The following RP1 variants were observed in gnomAD, a reference collection of about 807,000 sequenced individuals.
RP1 encodes RP1 axonemal microtubule associated.
RP1 carries 16 observed loss-of-function variants against 14.8 expected under a neutral mutation model. The observed-to-expected ratio is 1.08, with a 90% CI of 0.73 to 1.65. The LOEUF is 1.65. Ranked by LOEUF, RP1 falls within the 40% of genes most tolerant of loss-of-function variation. RP1 has a pLI of 0.00. For synonymous variants in RP1, 876 were observed against 883.6 expected, an observed-to-expected ratio of 0.99 and a Z score of 0.15; for missense variants, 2,631 against 2,535.0, an observed-to-expected ratio of 1.04 and a Z score of -0.81.
chr8:54,624,840 G>A lies in RP1; in HGVS notation c.958G>A (p.Glu320Lys), dbSNP rs1400757061. 9 of 1,613,376 alleles carry A rather than the reference G, an allele frequency of 5.6e-6. No homozygotes were observed. The highest frequency in any genetic ancestry group is 2.2e-5 in the East Asian group (1 of 44,886). ...AATATATCCTTCTGAAGATGATATT[G>A]AGAAATCAATTATTTTTAATCAAGA... is the stretch of plus-strand genomic sequence containing the variant. Reference protein sequence around the residue: ...LPIYPSEDDIEKSIIFNQDGT... With the variant: ...LPIYPSEDDIKKSIIFNQDGT... Residue 320 changes from glutamate (E) to lysine (K), a missense_variant, in exon 4 of 4, where the codon GAG (glutamate) becomes AAG (lysine). Coordinates refer to ENST00000220676, the MANE Select transcript of RP1 (RefSeq NM_006269.2).
At chr8:54,695,902 A>G (rs1451137552) in intron 12 of RP1, among the ~76,000 whole-genome samples, 1 of 152,178 alleles carries the variant, frequency 6.6e-6, no homozygotes, top group Admixed American at 6.6e-5. Context: ...GATGCATTTT[A>G]TTATGTAGAC....
intron 1 of RP1, among the ~76,000 whole-genome samples, chr8:54,604,184 T>C (rs1413301815): frequency 5.3e-5 from 8 of 152,212 alleles, no homozygotes; most frequent in African/African-American, 1.4e-4. Flanking sequence ...TTGTCATAGA[T>C]AGCTCTTATT....
intron 24 of RP1, among the ~76,000 whole-genome samples, chr8:54,790,039 C>G (rs923607901): frequency 2.6e-5 from 4 of 152,170 alleles, no homozygotes; most frequent in Non-Finnish European, 5.9e-5. Flanking sequence ...CCTGCCTAAT[C>G]ATAAGTCCAA....
At chr8:54,709,055 C>G (rs914030581) in intron 15 of RP1, among the ~76,000 whole-genome samples, 1 of 152,176 alleles carries the variant, frequency 6.6e-6, no homozygotes, top group African/African-American at 2.4e-5. Context: ...CCCAGAGTCC[C>G]CAGGTAGCCT....
chr8:54,565,300 C>T (rs890089936), intron 1 of RP1, among the ~76,000 whole-genome samples: 4 of 152,154 alleles, frequency 2.6e-5, no homozygotes, highest in African/African-American at 7.2e-5. Flanking sequence ...TGTGGTGGCT[C>T]ATGCCTGTAA....
intron 23 of RP1, among the ~76,000 whole-genome samples, chr8:54,780,220 T>C (rs1955304): frequency 0.47 from 71,653 of 152,174 alleles, 17,871 homozygotes; most frequent in African/African-American, 0.64. Flanking sequence ...TCCAATGAAA[T>C]TTAATTACAA....
chr8:54,722,159 G>A (rs1314590591), intron 16 of RP1, among the ~76,000 whole-genome samples: 5 of 151,102 alleles, frequency 3.3e-5, no homozygotes, highest in Admixed American at 2.6e-4. Flanking sequence ...TTGAACCTGT[G>A]AGGCGGAGGG....
At chr8:54,661,798 G>A (rs1202716590) in intron 6 of RP1, among the ~76,000 whole-genome samples, 1 of 151,938 alleles carries the variant, frequency 6.6e-6, no homozygotes, top group Non-Finnish European at 1.5e-5. Context: ...TTTTAAAAAA[G>A]TATTTTTCTG....
intron 24 of RP1, among the ~76,000 whole-genome samples, chr8:54,820,455 G>A (rs1203183822): frequency 1.3e-5 from 2 of 152,096 alleles, no homozygotes; most frequent in Admixed American, 6.5e-5. Flanking sequence ...TGGAAATCGA[G>A]TTTCTATTGC....
intron 25 of RP1, among the ~76,000 whole-genome samples, chr8:54,850,985 C>A (rs12549432): frequency 0.02 from 3,010 of 152,286 alleles, 193 homozygotes; most frequent in East Asian, 0.17. Flanking sequence ...ACTATGATAA[C>A]CACCTTGTTC....
intron 12 of RP1, chr8:54,696,488 G>T (rs1273504183): frequency 1.5e-5 from 13 of 894,176 alleles, no homozygotes; most frequent in Non-Finnish European, 2.3e-5. Flanking sequence ...AGCCACCCAG[G>T]CAAAGCAGGC....
At chr8:54,774,091 T>A (rs1365002608), downstream of RP1, among the ~76,000 whole-genome samples, 2 of 152,188 alleles carry the variant, frequency 1.3e-5, no homozygotes, top group Non-Finnish European at 2.9e-5. Flanking sequence ...TCATCATGCA[T>A]TCTGAGTCAA....
At chr8:54,686,818 A>G (rs544085066) in intron 12 of RP1, among the ~76,000 whole-genome samples, 1 of 152,136 alleles carries the variant, frequency 6.6e-6, no homozygotes, top group Non-Finnish European at 1.5e-5. Flanking sequence ...ACAGATTCAT[A>G]TAGTTTTTTT....
At chr8:54,769,662 T>TA in intron 22 of RP1, 1 of 1,060,622 alleles carries the variant, frequency 9.4e-7, no homozygotes, top group Non-Finnish European at 1.4e-6. Context: ...AACCTTATTT[T>TA]AAAATTGAGA....
chr8:54,696,794 A>G (rs896625631), intron 12 of RP1: 3 of 727,120 alleles, frequency 4.1e-6, no homozygotes, highest in Admixed American at 1.8e-5. Context: ...AATGCCACGT[A>G]TAGTGGAACG....
At chr8:54,651,578 T>C (rs2129325938) in intron 4 of RP1, among the ~76,000 whole-genome samples, 1 of 152,284 alleles carries the variant, frequency 6.6e-6, no homozygotes, top group South Asian at 2.1e-4. Flanking sequence ...TCTTTTATAA[T>C]CCTTTTTATT....
At chr8:54,659,744 T>G (rs1016893308) in intron 6 of RP1, among the ~76,000 whole-genome samples, 3 of 152,226 alleles carry the variant, frequency 2.0e-5, no homozygotes, top group African/African-American at 7.2e-5. Flanking sequence ...GATTTTTTCC[T>G]ATTTCTGTAA....
chr8:54,753,835 C>A (rs150158355), intron 19 of RP1, among the ~76,000 whole-genome samples: 1 of 152,252 alleles, frequency 6.6e-6, no homozygotes, highest in African/African-American at 2.4e-5. Context: ...AGAGCAGGAA[C>A]AGCAGACAGT....
downstream of RP1, among the ~76,000 whole-genome samples, chr8:54,773,992 C>T (rs187466773): frequency 1.1e-3 from 161 of 152,218 alleles, 1 homozygote; most frequent in South Asian, 6.0e-3. Flanking sequence ...GGCCTCACTG[C>T]GCAAATAGTG....
Sources: gnomAD v4.1 joint callset for allele counts (sites outside exome capture counted in the v4.1 genomes callset) on GRCh38, gnomAD v4.1.1 for gene constraint, MANE v1.5 for transcripts, NCBI Gene and HGNC (gene_info 2026-07-23, HGNC 2026-07-21) for gene names.